ADGRE2: variants seen among roughly 807,000 people sequenced by gnomAD.
ADGRE2 encodes the protein adhesion G protein-coupled receptor E2, also known as CD97 antigen.
ADGRE2 carries 83 observed loss-of-function variants against 100.8 expected under a neutral mutation model. The ratio of observed to expected loss-of-function variants is 0.82; its 90% CI spans 0.69 to 0.99. ADGRE2 has a LOEUF of 0.99. Among genes scored for constraint, ADGRE2 ranks in the 50% least tolerant of loss-of-function variants. The pLI is 0.00. For missense variants in ADGRE2, 814 were observed against 1,035.7 expected (o/e 0.79, Z 2.94); for synonymous variants, 355 against 413.0 (o/e 0.86, Z 1.70).
rs146207338 is a variant in ADGRE2 at position 14,771,700 on chromosome 19, G to A, written c.355+642C>T. The stretch of plus-strand genomic sequence containing the variant: ...ACTGTCACCAGGCTGGAGTGCAGTG[G>A]CACGATCTCCGCTCACTGAAACCTC... On this transcript the variant is annotated intron_variant, in intron 5 of 20. Coordinates refer to ENST00000315576, the MANE Select transcript of ADGRE2 (RefSeq NM_013447.4). 2.8e-3 allele frequency among the ~76,000 whole-genome samples: 424 copies of A among 151,600 alleles called. 2 individuals are homozygous for A. Among genetic ancestry groups the A allele is most frequent in the African/African-American group, 9.8e-3 (406 of 41,302 alleles).
intron 16 of ADGRE2, among the ~76,000 whole-genome samples, chr19:14,750,961 G>C (rs1204735463): frequency 6.6e-6 from 1 of 152,056 alleles, no homozygotes; most frequent in Admixed American, 6.6e-5. Context: ...CTACAGGTGT[G>C]TGCCAGTAGG....
chr19:14,736,960 C>T (rs1001343810), intron 20 of ADGRE2, among the ~76,000 whole-genome samples: 14 of 140,838 alleles, frequency 9.9e-5, no homozygotes, highest in Admixed American at 5.0e-4. Context: ...GAAAGAAAAC[C>T]TATAATTTCC....
At chr19:14,777,234 T>G (rs1316384328) in intron 1 of ADGRE2, among the ~76,000 whole-genome samples, 16 of 152,184 alleles carry the variant, frequency 1.1e-4, no homozygotes, top group Admixed American at 3.3e-4. Context: ...AGCTCTGGGC[T>G]CCCACTTTGG....
chr19:14,752,407 T>G lies in ADGRE2; in HGVS notation c.1710A>C (p.Ser570=). The G allele has an allele frequency of 6.2e-7, 1 of 1,613,928 alleles. No homozygotes were observed. The highest frequency in any genetic ancestry group is 2.2e-5 in the East Asian group (1 of 44,864). The change falls in exon 15 of 21, where the codon TCA becomes TCC. Residue 570 remains serine (S), a synonymous_variant. Transcript: ENST00000315576. The stretch of plus-strand genomic sequence containing the variant: ...GGCAGAGCGAGAGCTGCAGATGCAG[T>G]GAGGTGCTGGTGTTCTGGATGGCTT... The part of the protein sequence containing the change: ...LCKAIQNTST[S]LHLQLSLCLF...
At chr19:14,744,296 A>G (rs1458272427) in intron 18 of ADGRE2, among the ~76,000 whole-genome samples, 1 of 152,024 alleles carries the variant, frequency 6.6e-6, no homozygotes, top group Non-Finnish European at 1.5e-5. Context: ...TTCTGTGTTC[A>G]TGAACTACAC....
intron 12 of ADGRE2, 97 bp from the exon 13 acceptor site, chr19:14,755,974 G>A: frequency 9.6e-7 from 1 of 1,042,784 alleles, no homozygotes; most frequent in South Asian, 1.5e-5. Flanking sequence ...TACTCAGATG[G>A]GCTACCTTCC....
At chr19:14,755,966 C>T (rs1599834170) in intron 12 of ADGRE2, 89 bp from the exon 13 acceptor site, 1 of 1,091,306 alleles carries the variant, frequency 9.2e-7, no homozygotes, top group East Asian at 2.6e-5. Context: ...GAACTTTCTA[C>T]TCAGATGGGC....
chr19:14,746,377 T>A, intron 17 of ADGRE2, 54 bp from the exon 18 acceptor site: 1 of 685,642 alleles, frequency 1.5e-6, no homozygotes, highest in Non-Finnish European at 2.3e-6. Flanking sequence ...TGTTATCTCT[T>A]TTTTTTTTTT....
rs186366989 is a variant in ADGRE2, at chr19:14,778,145, T to C, written c.-172+112A>G. The C allele has an allele frequency of 5.3e-5, 8 of 152,354 alleles. No individual in the cohort carries two copies. In the East Asian group the frequency reaches 1.5e-3, roughly 29 times the overall value. The allele number at this position is 152,354 out of a possible 1,614,324, so 9.4% of individuals were successfully genotyped here. ...AAGCGTTCCTATTTCTCCACACCTG[T>C]GATCCCAGCACTCTGGGAGGCCGAG... On this transcript the variant is annotated intron_variant, in intron 1 of 20. Coordinates refer to ENST00000315576, the MANE Select transcript of ADGRE2 (RefSeq NM_013447.4).
intron 16 of ADGRE2, among the ~76,000 whole-genome samples, chr19:14,748,120 G>T (rs548535663): frequency 2.0e-5 from 3 of 151,870 alleles, no homozygotes; most frequent in African/African-American, 7.3e-5. Flanking sequence ...ATTTATCCTC[G>T]CCCTCCTCCC....
chr19:14,750,363 ACT>A (rs1413856596), intron 16 of ADGRE2, among the ~76,000 whole-genome samples: 1 of 151,726 alleles, frequency 6.6e-6, no homozygotes, highest in African/African-American at 2.4e-5. Flanking sequence ...AAAATCAAAC[ACT>A]CTTTCTTCAT....
chr19:14,769,283 G>A (rs1198668989), intron 5 of ADGRE2, among the ~76,000 whole-genome samples: 1 of 152,138 alleles, frequency 6.6e-6, no homozygotes, highest in Non-Finnish European at 1.5e-5. Context: ...TGGGCAGGGG[G>A]ATGTTCTGAG....
At chr19:14,758,564 G>A (rs1052361961) in intron 11 of ADGRE2, among the ~76,000 whole-genome samples, 3 of 152,164 alleles carry the variant, frequency 2.0e-5, no homozygotes, top group African/African-American at 7.2e-5. Flanking sequence ...TAGTTTAAGA[G>A]TGGAGATTTA....
chr19:14,731,052 T>C, downstream of ADGRE2: 1 of 805,142 alleles, frequency 1.2e-6, no homozygotes. Context: ...AGGCAGTCCC[T>C]TACATGCTGC....
chr19:14,777,787 T>A (rs2044490496), intron 1 of ADGRE2, among the ~76,000 whole-genome samples: 1 of 152,054 alleles, frequency 6.6e-6, no homozygotes, highest in Non-Finnish European at 1.5e-5. Context: ...GAATGATGGT[T>A]TTCAGCTTCA....
chr19:14,762,730 G>A (rs2043774135), intron 11 of ADGRE2, among the ~76,000 whole-genome samples: 1 of 152,018 alleles, frequency 6.6e-6, no homozygotes, highest in Admixed American at 6.6e-5. Context: ...TGCAACCTCT[G>A]CCTCCCAAGC....
chr19:14,772,216 G>A (rs1055795418), intron 5 of ADGRE2, 126 bp downstream of exon 5: 1 of 1,357,900 alleles, frequency 7.4e-7, no homozygotes, highest in African/African-American at 1.4e-5. Flanking sequence ...ATGCACACCT[G>A]TCTCATCTCA....
intron 20 of ADGRE2, chr19:14,742,121 T>G: frequency 2.5e-6 from 1 of 398,634 alleles, no homozygotes; most frequent in East Asian, 3.6e-5. Flanking sequence ...CTGAGATCAT[T>G]GCTAATGGTT....
chr19:14,767,919 G>A (rs1599869968), intron 5 of ADGRE2, among the ~76,000 whole-genome samples: 1 of 152,216 alleles, frequency 6.6e-6, no homozygotes, highest in South Asian at 2.1e-4. Flanking sequence ...TCTTGGCTGG[G>A]CATCCATATG....
Sources: allele counts gnomAD v4.1 joint callset (sites outside exome capture counted in the v4.1 genomes callset), GRCh38; gene constraint gnomAD v4.1.1; transcripts MANE v1.5; gene names NCBI Gene and HGNC (gene_info 2026-07-23, HGNC 2026-07-21).